Variants in CHN2 observed in about 807,000 individuals in gnomAD.
The protein encoded by CHN2 is chimerin 2, also known as beta-chimaerin.
A neutral mutation model predicts 56.3 loss-of-function variants in CHN2; 35 were observed. The ratio of observed to expected loss-of-function variants is 0.62; its 90% confidence interval spans 0.47 to 0.82. The LOEUF is 0.82. CHN2 is among the 40% of genes least tolerant of loss of function. CHN2 has a pLI of 0.00. For synonymous variants in CHN2, 210 were observed against 212.8 expected, an observed-to-expected ratio of 0.99 and a Z score of 0.12; for missense variants, 491 against 580.5, an observed-to-expected ratio of 0.85 and a Z score of 1.58.
Position 29,504,901 on chromosome 7 carries a change from A to G in CHN2, c.991+80A>G, listed in dbSNP as rs1790398087. The G allele has an allele frequency of 4.1e-6, 4 of 981,680 alleles. No individual in the cohort carries two copies. In the South Asian group the frequency reaches 5.6e-5, roughly 14 times the overall value. 60.8% of individuals were successfully genotyped at this position (981,680 alleles called of 1,614,324 possible). A position where few individuals can be genotyped will look rare whatever the true frequency, so the allele number is the denominator to read the frequency against. ...GAAGTAGGTTTTAATCATAGTAGAA[A>G]TGGGGTTTCAGAACTACTAAGAGTT... On this transcript the variant is annotated intron_variant, in intron 10 of 12. Transcript: ENST00000222792.
intron 7 of CHN2, among the ~76,000 whole-genome samples, chr7:29,484,175 T>C (rs1478874673): frequency 6.6e-6 from 1 of 152,242 alleles, no homozygotes; most frequent in Non-Finnish European, 1.5e-5. Flanking sequence ...CTGATGGTTA[T>C]TTCCTTGAAT....
At position 29,324,721 on chromosome 7, in the gene CHN2, T is replaced by C. The variant is rs539262737; in HGVS notation, c.50-29904T>C. Among the ~76,000 whole-genome samples, 21 of 152,286 alleles carry C rather than the reference T, an allele frequency of 1.4e-4. No homozygotes were observed. The South Asian group carries it at 3.9e-3, about 29-fold the overall frequency. On this transcript the variant is annotated intron_variant, in intron 1 of 12. Coordinates refer to ENST00000222792, the MANE Select transcript of CHN2 (RefSeq NM_004067.4). Reference sequence around the variant, plus strand: ...TTTAAATCCACATTTTGCTGTCTAATATATTAACCACCCCCTGCAGGTGGT... The same window carrying C: ...TTTAAATCCACATTTTGCTGTCTAACATATTAACCACCCCCTGCAGGTGGT...
At chr7:29,250,325 T>A (rs1941120722) in intron 1 of CHN2, among the ~76,000 whole-genome samples, 1 of 152,234 alleles carries the variant, frequency 6.6e-6, no homozygotes, top group Non-Finnish European at 1.5e-5. Flanking sequence ...TCAGAAGTGC[T>A]TTCTTTCTAA....
chr7:29,165,889 C>A (rs1276774755), intron 2 of CHN2, among the ~76,000 whole-genome samples: 1 of 152,078 alleles, frequency 6.6e-6, no homozygotes, highest in Non-Finnish European at 1.5e-5. Context: ...TGAGATAAAC[C>A]TTTTATTTGG....
At chr7:29,372,726 G>T (rs1030697765) in intron 3 of CHN2, among the ~76,000 whole-genome samples, 11 of 152,218 alleles carry the variant, frequency 7.2e-5, no homozygotes, top group African/African-American at 2.7e-4. Flanking sequence ...TTTGGCAGTT[G>T]TTAAGGTACT....
At chr7:29,258,272 C>A (rs1342591432) in intron 1 of CHN2, among the ~76,000 whole-genome samples, 1 of 152,112 alleles carries the variant, frequency 6.6e-6, no homozygotes, top group African/African-American at 2.4e-5. Context: ...CATCTGGATA[C>A]CCTTTATATA....
chr7:29,163,671 T>C (rs969878860), intron 2 of CHN2, among the ~76,000 whole-genome samples: 1 of 152,198 alleles, frequency 6.6e-6, no homozygotes, highest in Non-Finnish European at 1.5e-5. Context: ...ACAAACATTC[T>C]CATTGCCCCC....
At position 29,476,546 on chromosome 7, in the gene CHN2, A is replaced by AC. The variant is rs1786606121; in HGVS notation, c.577-3731dup. Among the ~76,000 whole-genome samples the AC allele has an allele frequency of 6.5e-5, 8 of 122,870 alleles. No individual in the cohort carries two copies. In the South Asian group the frequency reaches 2.2e-3, roughly 34 times the overall value. The allele number at this position is 122,870 out of a possible 152,430, so 80.6% of individuals were successfully genotyped here. A position where few individuals can be genotyped will look rare whatever the true frequency, so the allele number is the denominator to read the frequency against. On this transcript the variant is annotated intron_variant, in intron 6 of 12. Coordinates refer to ENST00000222792, the MANE Select transcript of CHN2 (RefSeq NM_004067.4). ...AGCGAGAGTCCGTCTCAAAAAAAAA[A>AC]CCACCAATAAAAATTAAAAAAAAAA...
chr7:29,188,142 C>T lies in CHN2; in HGVS notation c.274+41182C>T, dbSNP rs76616596. Among the ~76,000 whole-genome samples the T allele has an allele frequency of 6.9e-3, 1,048 of 152,294 alleles. 40 individuals are homozygous for T. In the East Asian group the frequency reaches 0.11, roughly 16 times the overall value. On this transcript the variant is annotated intron_variant, in intron 2 of 6. Coordinates refer to the CHN2 transcript ENST00000439384. Reference sequence around the variant, plus strand: ...TACTCCAGAAAAGCAGATGTGAGCACGCTATACTTTGCTCTAAGGAACAGA... The same window carrying T: ...TACTCCAGAAAAGCAGATGTGAGCATGCTATACTTTGCTCTAAGGAACAGA...
intron 1 of CHN2, among the ~76,000 whole-genome samples, chr7:29,346,212 A>G (rs1797426890): frequency 6.6e-6 from 1 of 152,186 alleles, no homozygotes; most frequent in Admixed American, 6.5e-5. Context: ...GATCATAGCT[A>G]CAGGCTGTAC....
At chr7:29,388,294 CAAAT>C (rs1801089936) in intron 3 of CHN2, among the ~76,000 whole-genome samples, 1 of 152,038 alleles carries the variant, frequency 6.6e-6, no homozygotes, top group African/African-American at 2.4e-5. Context: ...AAAAAAATGG[CAAAT>C]AAATATTTAA....
intron 6 of CHN2, among the ~76,000 whole-genome samples, chr7:29,474,592 G>T (rs369445973): frequency 2.0e-5 from 3 of 152,178 alleles, no homozygotes; most frequent in African/African-American, 7.2e-5. Flanking sequence ...AAGCAGAGAA[G>T]GCTGCAACAG....
At chr7:29,402,282 T>C (rs1469274910) in intron 6 of CHN2, among the ~76,000 whole-genome samples, 1 of 152,226 alleles carries the variant, frequency 6.6e-6, no homozygotes, top group Non-Finnish European at 1.5e-5. Context: ...CAGAATCACA[T>C]CAGTGCAGCA....
intron 1 of CHN2, among the ~76,000 whole-genome samples, chr7:29,296,622 T>C (rs75588124): frequency 6.6e-6 from 1 of 152,338 alleles, no homozygotes; most frequent in East Asian, 1.9e-4. Context: ...CAGACTCAGT[T>C]AGCTTTGGCC....
At chr7:29,371,544 A>G (rs576587546) in intron 3 of CHN2, among the ~76,000 whole-genome samples, 1 of 152,318 alleles carries the variant, frequency 6.6e-6, no homozygotes, top group African/African-American at 2.4e-5. Flanking sequence ...ATAAGCATTT[A>G]TTAGTTACCA....
chr7:29,387,961 A>G (rs1801053718), intron 3 of CHN2, among the ~76,000 whole-genome samples: 1 of 152,232 alleles, frequency 6.6e-6, no homozygotes, highest in African/African-American at 2.4e-5. Context: ...ATTAAGTGTT[A>G]AACAATTAGG....
intron 2 of CHN2, among the ~76,000 whole-genome samples, chr7:29,156,060 C>T (rs1202643506): frequency 2.0e-5 from 3 of 152,120 alleles, no homozygotes; most frequent in Admixed American, 2.0e-4. Flanking sequence ...AGGGATAAAC[C>T]GGCGAAGCAT....
Position 29,484,056 on chromosome 7 carries a change from CTT to C in CHN2, c.654+3703_654+3704del. ...TATTTTTGTATCTAGCTTTTTCAGT[CTT>C]TTATTTTCTACCCTCTCTTCTTCAT... On this transcript the variant is annotated intron_variant, in intron 7 of 12. Coordinates refer to ENST00000222792, the MANE Select transcript of CHN2 (RefSeq NM_004067.4). 4 of 465,218 alleles carry C rather than the reference CTT, an allele frequency of 8.6e-6. No homozygotes were observed. In the Admixed American group the frequency reaches 1.0e-4, roughly 12 times the overall value. 28.8% of individuals were successfully genotyped at this position (465,218 alleles called of 1,614,324 possible). A position where few individuals can be genotyped will look rare whatever the true frequency, so the allele number is the denominator to read the frequency against.
intron 1 of CHN2, among the ~76,000 whole-genome samples, chr7:29,247,831 A>G (rs965960359): frequency 6.6e-6 from 1 of 152,186 alleles, no homozygotes; most frequent in Non-Finnish European, 1.5e-5. Context: ...AACAACAATC[A>G]TGCAACCCCC....
Sources: allele counts gnomAD v4.1 joint callset (sites outside exome capture counted in the v4.1 genomes callset), GRCh38; gene constraint gnomAD v4.1.1; transcripts MANE v1.5; gene names NCBI Gene and HGNC (gene_info 2026-07-23, HGNC 2026-07-21).